The following DNAJC7 variants were observed in gnomAD, a reference collection of about 807,000 sequenced individuals.
DNAJC7 encodes the protein dnaJ homolog subfamily C member 7.
DNAJC7 carries 18 observed loss-of-function variants against 67.4 expected under a neutral mutation model. The ratio of observed to expected loss-of-function variants is 0.27; its 90% CI spans 0.18 to 0.40. The LOEUF (loss-of-function observed/expected upper bound fraction) is 0.40, where lower values mean the gene tolerates loss of function less well. DNAJC7 is among the 10% of genes least tolerant of loss of function. The pLI, the probability that DNAJC7 is intolerant of heterozygous loss-of-function variation, is 1.00. For missense variants in DNAJC7, 419 were observed against 613.8 expected, an observed-to-expected ratio of 0.68 and a Z score of 3.35; for synonymous variants, 220 against 207.8, an observed-to-expected ratio of 1.06 and a Z score of -0.50.
intron 1 of DNAJC7, among the ~76,000 whole-genome samples, chr17:42,004,603 C>A (rs1246035173): frequency 6.6e-6 from 1 of 152,220 alleles, no homozygotes; most frequent in African/African-American, 2.4e-5. Context: ...CCAAAAAAAT[C>A]TGTCCTCTCT....
At chr17:42,007,838 CTTTTTTT>C (rs140104313) in intron 1 of DNAJC7, among the ~76,000 whole-genome samples, 1 of 44,530 alleles carries the variant, frequency 2.2e-5, no homozygotes, top group Non-Finnish European at 4.4e-5. Context: ...AAAAAACTGC[CTTTTTTT>C]TTTTTTTTTT....
chr17:42,005,737 ATTTTG>A (rs1459237114), intron 1 of DNAJC7, among the ~76,000 whole-genome samples: 1 of 151,910 alleles, frequency 6.6e-6, no homozygotes, highest in Non-Finnish European at 1.5e-5. Flanking sequence ...CTGTGGTTTG[ATTTTG>A]TTTTTTCTTT....
Position 41,977,304 on chromosome 17 carries a change from G to T in DNAJC7, c.1404C>A (p.Ile468=). Residue 468 remains isoleucine (I), a synonymous_variant, in exon 13 of 14, where the codon ATC becomes ATA. Coordinates refer to ENST00000457167, the MANE Select transcript of DNAJC7 (RefSeq NM_003315.4). ...MNMGDFDPNN[I]FKAFFGGPGG... ...CAGGACCGCCAAAGAATGCCTTGAA[G>T]ATATTGTTTGGATCAAAATCTGTAG... 6.3e-7 allele frequency: 1 copy of T among 1,583,186 alleles called. No individual in the cohort carries two copies. The highest frequency in any genetic ancestry group is 8.6e-7 in the Non-Finnish European group (1 of 1,164,580).
At position 41,987,915 on chromosome 17, in the gene DNAJC7, A is replaced by G; in HGVS notation, c.919-5T>C. 1.2e-6 allele frequency: 2 copies of G among 1,606,768 alleles called. No homozygotes were observed. Among genetic ancestry groups the G allele is most frequent in the Non-Finnish European group, 1.7e-6 (2 of 1,176,374 alleles). ...TGCATCATCTAGTTTCCTAAGCTTC[A>G]GGAGAGAGAGAGCAATCATACTTCA... is the stretch of plus-strand genomic sequence containing the variant. On this transcript the variant is annotated splice_region_variant and splice_polypyrimidine_tract_variant and intron_variant, in intron 8 of 13. Coordinates refer to ENST00000457167, the MANE Select transcript of DNAJC7 (RefSeq NM_003315.4).
At chr17:41,989,751 G>A (rs2048631938) in intron 6 of DNAJC7, among the ~76,000 whole-genome samples, 194 bp from the exon 7 acceptor site, 1 of 152,194 alleles carries the variant, frequency 6.6e-6, no homozygotes, top group South Asian at 2.1e-4. Flanking sequence ...CACATCTTGT[G>A]TCTTACAATC....
rs781861176 is a variant in DNAJC7, at chr17:41,977,219, G to C, written c.1447+42C>G. 1.8e-5 allele frequency: 28 copies of C among 1,554,440 alleles called. No individual in the cohort carries two copies. The South Asian group carries it at 1.9e-4, about 11-fold the overall frequency. On this transcript the variant is annotated intron_variant, in intron 13 of 13. Transcript: ENST00000457167. ...TGCCTAAGAGGCAATGAGTGTGTTG[G>C]CTTGTGATCTGGGAACTCCCAAGAA...
In DNAJC7 at chr17:41,981,625, A is replaced by C. The variant is rs73983693; in HGVS notation, c.1384+230T>G. 3.4e-3 allele frequency: 1,855 copies of C among 548,650 alleles called. 31 individuals carry two copies. The highest frequency in any genetic ancestry group is 0.031 in the African/African-American group (1,643 of 52,576). 34.0% of individuals were successfully genotyped at this position (548,650 alleles called of 1,614,324 possible). ...GATTACAGGCATGACCCATGGGGCC[A>C]TGCTTTTCTGCACTTCCAAGCCTTC... On this transcript the variant is annotated intron_variant, in intron 12 of 13. Transcript: ENST00000457167.
chr17:41,996,564 A>C (rs369509585), intron 3 of DNAJC7, 140 bp from the exon 4 acceptor site: 6 of 668,762 alleles, frequency 9.0e-6, no homozygotes, highest in African/African-American at 7.3e-5. Context: ...CACTTTGGGA[A>C]GCTGAGGCGG....
At chr17:42,000,424 C>CA in intron 2 of DNAJC7, 58 bp downstream of exon 2, 1 of 1,409,610 alleles carries the variant, frequency 7.1e-7, no homozygotes, top group Non-Finnish European at 9.9e-7. Flanking sequence ...TTGGCAGCTA[C>CA]TTTTAATAAT....
In DNAJC7 at chr17:41,997,250, G is replaced by A. The variant is rs1239939003; in HGVS notation, c.167-11C>T. On this transcript the variant is annotated splice_polypyrimidine_tract_variant and intron_variant, in intron 2 of 13. Coordinates refer to ENST00000457167, the MANE Select transcript of DNAJC7 (RefSeq NM_003315.4). ...TTTTAGGACACATATCTATAGGAAAGGCAGAAGAACGTAAAACAAAGTTTA... is the reference window on the plus strand; with the variant it reads ...TTTTAGGACACATATCTATAGGAAAAGCAGAAGAACGTAAAACAAAGTTTA... 4 of 1,612,270 alleles carry A rather than the reference G, an allele frequency of 2.5e-6. No individual in the cohort carries two copies. The highest frequency in any genetic ancestry group is 3.4e-6 in the Non-Finnish European group (4 of 1,179,100).
At chr17:41,994,680 A>G (rs1555648313) in intron 5 of DNAJC7, among the ~76,000 whole-genome samples, 190 bp downstream of exon 5, 1 of 152,184 alleles carries the variant, frequency 6.6e-6, no homozygotes, top group Admixed American at 6.6e-5. Flanking sequence ...CATAGGGCCA[A>G]ATATAATTAA....
chr17:41,996,521 G>T, intron 3 of DNAJC7, 97 bp from the exon 4 acceptor site: 2 of 1,049,254 alleles, frequency 1.9e-6, no homozygotes, highest in Non-Finnish European at 2.8e-6. Flanking sequence ...CAACACAGAG[G>T]CCAGGCGCGG....
In DNAJC7 at chr17:41,982,484, T is replaced by C. The variant is rs528192702; in HGVS notation, c.1085-83A>G. 159 of 1,531,700 alleles carry C rather than the reference T, an allele frequency of 1.0e-4. 1 individual carries two copies. In the East Asian group the frequency reaches 3.2e-3, roughly 31 times the overall value. The allele number at this position is 1,531,700 out of a possible 1,614,324, so 94.9% of individuals were successfully genotyped here. The stretch of plus-strand genomic sequence containing the variant: ...GGTCTCAGCCCAGCTGCCTGGGAGT[T>C]AGAGGCCTTGTTAACCATGCCAGGG... On this transcript the variant is annotated intron_variant, in intron 10 of 13. Coordinates refer to ENST00000457167, the MANE Select transcript of DNAJC7 (RefSeq NM_003315.4).
intron 1 of DNAJC7, among the ~76,000 whole-genome samples, chr17:42,006,974 C>A (rs999918025): frequency 8.6e-5 from 13 of 151,034 alleles, no homozygotes; most frequent in Admixed American, 1.3e-4. Context: ...AGGTGGCAGG[C>A]GCCTGTAGTC....
intron 1 of DNAJC7, chr17:42,017,130 A>C: frequency 6.8e-7 from 1 of 1,469,266 alleles, no homozygotes; most frequent in Non-Finnish European, 9.0e-7. Context: ...GCCATGCCTC[A>C]GCTCCTACGC....
intron 4 of DNAJC7, 25 bp from the exon 5 acceptor site, chr17:41,994,969 A>T: frequency 6.2e-7 from 1 of 1,603,520 alleles, no homozygotes; most frequent in South Asian, 1.1e-5. Flanking sequence ...CAGACATAGG[A>T]AAGTTTTAAT....
intron 12 of DNAJC7, 127 bp downstream of exon 12, chr17:41,981,728 T>C (rs947930554): frequency 6.9e-6 from 9 of 1,312,984 alleles, no homozygotes; most frequent in African/African-American, 1.5e-5. Context: ...TTTGACTCCA[T>C]GTCTATTACT....
At chr17:41,987,451 A>G (rs1164207962) in intron 9 of DNAJC7, 1 of 178,730 alleles carries the variant, frequency 5.6e-6, no homozygotes, top group Non-Finnish European at 1.2e-5. Context: ...TCAACAAAAC[A>G]TTTATTCAGT....
At chr17:41,992,705 A>C (rs1185637094) in intron 5 of DNAJC7, 2 of 152,152 alleles carry the variant, frequency 1.3e-5, no homozygotes, top group Non-Finnish European at 2.9e-5. Flanking sequence ...CCTCCCCATG[A>C]CTAGGGACAG....
Sources: allele counts gnomAD v4.1 joint callset (sites outside exome capture counted in the v4.1 genomes callset), GRCh38; gene constraint gnomAD v4.1.1; transcripts MANE v1.5; gene names NCBI Gene and HGNC (gene_info 2026-07-23, HGNC 2026-07-21).